The following TNC variants were observed in gnomAD, a reference collection of about 807,000 sequenced individuals.
TNC encodes the protein tenascin.
TNC carries 109 observed loss-of-function variants against 202.4 expected under a neutral mutation model. The ratio of observed to expected loss-of-function variants is 0.54; its 90% CI spans 0.46 to 0.63. The LOEUF (loss-of-function observed/expected upper bound fraction) is 0.63. TNC is among the 30% of genes least tolerant of loss of function. TNC has a pLI of 0.00. For missense variants in TNC, 2,756 were observed against 2,833.3 expected, an observed-to-expected ratio of 0.97 and a Z score of 0.62; for synonymous variants, 1,007 against 1,089.7, an observed-to-expected ratio of 0.92 and a Z score of 1.50.
Position 115,063,876 on chromosome 9 carries a change from G to T in TNC, c.3680C>A (p.Ala1227Glu). The stretch of plus-strand genomic sequence containing the variant: ...GATGGTGATGGTATAATGAGTGGCT[G>T]CTTTGAGCCCAGGCAGGTCTGTGGA... ...LRSTDLPGLK[A>E]ATHYTITIRG... The change falls in exon 12 of 28, where the codon GCA becomes GAA. Residue 1227 changes from alanine to glutamate, a missense_variant. Ala to Glu is a moderately radical substitution (Grantham distance 107). This residue lies in a region of TNC where 2,559 missense variants were observed against 2,546.0 expected (regional missense o/e 1.01). Coordinates refer to ENST00000350763, the MANE Select transcript of TNC (RefSeq NM_002160.4). 3.1e-6 allele frequency: 5 copies of T among 1,614,214 alleles called. No homozygotes were observed. Among genetic ancestry groups the T allele is most frequent in the Non-Finnish European group, 4.2e-6 (5 of 1,180,036 alleles).
chr9:115,033,399 G>A (rs967000458), intron 22 of TNC, among the ~76,000 whole-genome samples: 1 of 152,140 alleles, frequency 6.6e-6, no homozygotes, highest in African/African-American at 2.4e-5. Context: ...ACAATTACCT[G>A]TCAGTTCTCT....
At chr9:115,059,374 T>A (rs996339298) in intron 14 of TNC, among the ~76,000 whole-genome samples, 2 of 152,130 alleles carry the variant, frequency 1.3e-5, no homozygotes. Context: ...AACTCATATA[T>A]AGGGAGGGAA....
chr9:115,075,684 C>G (rs1833792467), intron 9 of TNC, among the ~76,000 whole-genome samples: 1 of 152,108 alleles, frequency 6.6e-6, no homozygotes, highest in Non-Finnish European at 1.5e-5. Context: ...ACTCGGGAGG[C>G]TGAGGCAGGA....
intron 10 of TNC, among the ~76,000 whole-genome samples, chr9:115,066,220 A>G (rs1832941605): frequency 6.6e-6 from 1 of 152,080 alleles, no homozygotes; most frequent in South Asian, 2.1e-4. Context: ...TTCCGTAAAA[A>G]CTCACTGGTC....
At chr9:115,084,998 T>C (rs763973238) in intron 3 of TNC, among the ~76,000 whole-genome samples, 2 of 152,186 alleles carry the variant, frequency 1.3e-5, no homozygotes, top group Admixed American at 6.5e-5. Flanking sequence ...TTGCGCCACA[T>C]TGAACACAAA....
intron 1 of TNC, among the ~76,000 whole-genome samples, chr9:115,096,200 A>T (rs1219487402): frequency 6.6e-6 from 1 of 152,224 alleles, no homozygotes; most frequent in Admixed American, 6.5e-5. Context: ...GTGAACATAA[A>T]ATCCACAATA....
chr9:115,041,018 C>T lies in TNC; in HGVS notation c.5315G>A (p.Gly1772Asp). The T allele has an allele frequency of 6.2e-7, 1 of 1,614,120 alleles. No individual in the cohort carries two copies. The highest frequency in any genetic ancestry group is 8.5e-7 in the Non-Finnish European group (1 of 1,180,020). The change falls in exon 19 of 28, where the codon GGC becomes GAC. Residue 1772 changes from glycine (G) to aspartate (D), a missense_variant. Physicochemically the swap from Gly to Asp is moderately conservative, Grantham distance 94. Transcript: ENST00000350763. ...TQTRLVKLIP[G>D]VEYLVSIIAM... ...GATGATGCTGACAAGGTACTCCACG[C>T]CAGGTATGAGTTTCACCAGCCTGGT...
At chr9:115,031,783 T>C in intron 22 of TNC, 98 bp from the exon 23 acceptor site, 1 of 1,456,274 alleles carries the variant, frequency 6.9e-7, no homozygotes, top group Non-Finnish European at 9.3e-7. Context: ...TACCCATCCA[T>C]TCACTTACTT....
chr9:115,105,567 G>A (rs1481135673), intron 1 of TNC, among the ~76,000 whole-genome samples: 3 of 152,112 alleles, frequency 2.0e-5, no homozygotes, highest in East Asian at 1.9e-4. Context: ...CATAACTAAG[G>A]TCGGGGTCCA....
intron 12 of TNC, 50 bp from the exon 13 acceptor site, chr9:115,063,239 C>A: frequency 6.3e-7 from 1 of 1,595,258 alleles, no homozygotes; most frequent in Non-Finnish European, 8.6e-7. Flanking sequence ...CAATTGCACG[C>A]TGGGATTCAG....
In TNC at chr9:115,042,308, T is replaced by G. The variant is rs942764182; in HGVS notation, c.5159A>C (p.Asp1720Ala). 6.2e-7 allele frequency: 1 copy of G among 1,613,994 alleles called. No individual in the cohort carries two copies. Among genetic ancestry groups the G allele is most frequent in the Non-Finnish European group, 8.5e-7 (1 of 1,179,988 alleles). The change falls in exon 18 of 28, where the codon GAC (aspartate) becomes GCC (alanine). Residue 1720 changes from aspartate (D) to alanine (A), a missense_variant. Coordinates refer to ENST00000350763, the MANE Select transcript of TNC (RefSeq NM_002160.4). ...GACAGTAGCCGAATTTTCAGTGATG[T>G]CTGAGAAAATGACTTCCTTTGGGGA... ...MGSPKEVIFS[D>A]ITENSATVSW...
intron 6 of TNC, among the ~76,000 whole-genome samples, chr9:115,081,561 A>G (rs908343775): frequency 1.3e-5 from 2 of 152,228 alleles, no homozygotes; most frequent in African/African-American, 4.8e-5. Flanking sequence ...TGAGGAGTGC[A>G]GTCAAGAACA....
chr9:115,105,988 T>C (rs957967482), intron 1 of TNC, among the ~76,000 whole-genome samples: 1 of 152,102 alleles, frequency 6.6e-6, no homozygotes, highest in Non-Finnish European at 1.5e-5. Context: ...TGGCACACGA[T>C]GGGGGAAGAA....
At chr9:115,070,296 A>T (rs550806080) in intron 10 of TNC, among the ~76,000 whole-genome samples, 16 of 152,270 alleles carry the variant, frequency 1.1e-4, no homozygotes, top group Admixed American at 2.0e-4. Flanking sequence ...GAAATGAGGG[A>T]GCACGCTCTG....
chr9:115,097,761 G>C (rs558810962), intron 1 of TNC, among the ~76,000 whole-genome samples: 1 of 152,182 alleles, frequency 6.6e-6, no homozygotes, highest in Non-Finnish European at 1.5e-5. Flanking sequence ...TACATGCCAA[G>C]GTGGTGTAGC....
chr9:115,043,442 T>C (rs1830929076), intron 17 of TNC, among the ~76,000 whole-genome samples: 1 of 152,110 alleles, frequency 6.6e-6, no homozygotes, highest in Non-Finnish European at 1.5e-5. Context: ...AAGAGCTTCA[T>C]TGTCCAAATA....
intron 15 of TNC, among the ~76,000 whole-genome samples, chr9:115,051,537 C>CTTTTTTTTTTTTTTT (rs5900117): frequency 1.5e-5 from 2 of 131,312 alleles, no homozygotes; most frequent in Non-Finnish European, 3.2e-5. Context: ...TCTTTTTTTT[C>CTTTTTTTTTTTTTTT]TTTTTTTTTT....
At position 115,118,033 on chromosome 9, in the gene TNC, G is replaced by C. The variant is rs1233647157; in HGVS notation, c.-188C>G. 1 of 152,244 alleles carries C rather than the reference G, an allele frequency of 6.6e-6. No individual in the cohort carries two copies. The highest frequency in any genetic ancestry group is 1.5e-5 in the Non-Finnish European group (1 of 68,096). 9.4% of individuals were successfully genotyped at this position (152,244 alleles called of 1,614,324 possible). On this transcript the variant is annotated 5_prime_UTR_variant, in exon 1 of 28. Coordinates refer to ENST00000350763, the MANE Select transcript of TNC (RefSeq NM_002160.4). ...CCTTGGAAGAAGTACCTGGAGTGTGGAGCTGCGGCGGTTCCCACGTGCGCG... is the reference window on the plus strand; with the variant it reads ...CCTTGGAAGAAGTACCTGGAGTGTGCAGCTGCGGCGGTTCCCACGTGCGCG...
Position 115,075,965 on chromosome 9 carries a change from C to A in TNC, c.2950+67G>T. ...CTTTTTCTCTTTAAATAGGTTTTGG[C>A]CACATTGACTCTGTCTCATCTGCCC... On this transcript the variant is annotated intron_variant, in intron 9 of 27. Transcript: ENST00000350763. 9 of 1,410,474 alleles carry A rather than the reference C, an allele frequency of 6.4e-6. 1 individual carries two copies. The South Asian group carries it at 1.0e-4, about 16-fold the overall frequency. 87.4% of individuals were successfully genotyped at this position (1,410,474 alleles called of 1,614,324 possible). A position where few individuals can be genotyped will look rare whatever the true frequency, so the allele number is the denominator to read the frequency against.
Sources: gnomAD v4.1 joint callset for allele counts (sites outside exome capture counted in the v4.1 genomes callset) on GRCh38, gnomAD v4.1.1 for gene constraint, gnomAD v4.1.1 regional missense constraint, MANE v1.5 for transcripts, NCBI Gene and HGNC (gene_info 2026-07-23, HGNC 2026-07-21) for gene names.